Variants in PEDS1 observed in about 807,000 individuals in gnomAD.
The protein encoded by PEDS1 is CarF homolog.
A neutral mutation model predicts 35.2 loss-of-function variants in PEDS1; 14 were observed. That is an observed-to-expected ratio of 0.40 (90% confidence interval 0.26 to 0.62). The LOEUF (loss-of-function observed/expected upper bound fraction) is 0.62. Among genes scored for constraint, PEDS1 ranks in the 20% least tolerant of loss-of-function variants. PEDS1 has a pLI of 0.44. For synonymous variants in PEDS1, 152 were observed against 152.0 expected (o/e 1.00, Z 0.00); for missense variants, 260 against 367.8 (o/e 0.71, Z 2.40).
At chr20:50,126,962 C>A (rs1030335605) in intron 5 of PEDS1, among the ~76,000 whole-genome samples, 3 of 152,082 alleles carry the variant, frequency 2.0e-5, no homozygotes, top group Non-Finnish European at 4.4e-5. Flanking sequence ...TCTCCTCCCT[C>A]TTCCACTGCT....
At chr20:50,142,142 T>C (rs2081297338) in intron 2 of PEDS1, among the ~76,000 whole-genome samples, 1 of 152,196 alleles carries the variant, frequency 6.6e-6, no homozygotes, top group South Asian at 2.1e-4. Flanking sequence ...CTCAGTTCCC[T>C]CATCTGGAAA....
chr20:50,135,027 A>G (rs1348651285), intron 2 of PEDS1, among the ~76,000 whole-genome samples: 1 of 151,898 alleles, frequency 6.6e-6, no homozygotes, highest in Non-Finnish European at 1.5e-5. Context: ...TACTAAAAAC[A>G]CAAAAAAATC....
chr20:50,124,471 G>C lies in PEDS1; in HGVS notation c.*587C>G, dbSNP rs1175457891. 1.3e-5 allele frequency: 2 copies of C among 153,058 alleles called. No individual in the cohort carries two copies. Among genetic ancestry groups the C allele is most frequent in the East Asian group, 3.8e-4 (2 of 5,208 alleles). The allele number at this position is 153,058 out of a possible 1,614,324, so 9.5% of individuals were successfully genotyped here. On this transcript the variant is annotated 3_prime_UTR_variant, in exon 6 of 6. Transcript: ENST00000371652. ...GCAGGGTGGGGGCAGCAGAGAAGTA[G>C]GGGTCTAGACTTGAGCAGGAGGTTC...
At chr20:50,151,537 C>T (rs1034693993) in intron 1 of PEDS1, among the ~76,000 whole-genome samples, 1 of 152,138 alleles carries the variant, frequency 6.6e-6, no homozygotes, top group African/African-American at 2.4e-5. Flanking sequence ...TGAGGCGGAT[C>T]CCCCACAGCA....
intron 1 of PEDS1, among the ~76,000 whole-genome samples, chr20:50,150,301 A>G (rs1236644818): frequency 1.3e-5 from 2 of 152,082 alleles, no homozygotes; most frequent in African/African-American, 4.8e-5. Context: ...AGCCCCAGTA[A>G]TCTCAAACAT....
intron 1 of PEDS1, among the ~76,000 whole-genome samples, chr20:50,148,504 T>C (rs545898508): frequency 6.6e-6 from 1 of 152,314 alleles, no homozygotes; most frequent in African/African-American, 2.4e-5. Flanking sequence ...TAGCCACTTA[T>C]TGGCCTGAGG....
chr20:50,129,521 G>A lies in PEDS1; in HGVS notation c.478+25C>T. 1 of 1,613,634 alleles carries A rather than the reference G, an allele frequency of 6.2e-7. No individual in the cohort carries two copies. The highest frequency in any genetic ancestry group is 8.5e-7 in the Non-Finnish European group (1 of 1,179,732). ...CCTCTGCCCCCAAGGCCCCCTCCCA[G>A]CCCACCACTAGCTGGGTGTCTCACC... On this transcript the variant is annotated intron_variant, in intron 4 of 5. Coordinates refer to ENST00000371652, the MANE Select transcript of PEDS1 (RefSeq NM_199129.4). This position sits in a 1 kb window ranked among gnomAD's most constrained non-coding sequence, Gnocchi z 4.2.
chr20:50,130,772 C>A, intron 3 of PEDS1, 84 bp downstream of exon 3: 1 of 1,528,322 alleles, frequency 6.5e-7, no homozygotes, highest in Non-Finnish European at 9.0e-7. Context: ...GATAGGGAAA[C>A]AGTCTTAGAG....
chr20:50,142,267 T>C (rs965764383), intron 2 of PEDS1, among the ~76,000 whole-genome samples: 9 of 152,340 alleles, frequency 5.9e-5, no homozygotes, highest in African/African-American at 2.2e-4. Context: ...GCACCGGCTG[T>C]GTGCCAGGCC....
At chr20:50,133,287 G>A (rs535404817) in intron 2 of PEDS1, among the ~76,000 whole-genome samples, 19 of 152,110 alleles carry the variant, frequency 1.2e-4, no homozygotes, top group Non-Finnish European at 1.9e-4. Context: ...TGCCAAGCAC[G>A]GGAGGGGTGG....
intron 1 of PEDS1, among the ~76,000 whole-genome samples, chr20:50,144,080 A>G (rs2081322766): frequency 1.3e-5 from 2 of 152,038 alleles, no homozygotes; most frequent in Admixed American, 1.3e-4. Context: ...GTCTGTACCC[A>G]TTTCACAGAT....
chr20:50,128,263 C>A lies in PEDS1; in HGVS notation c.479-76G>T. ...AACCCACCCCAAATGGCCCTCACCACCTGCTCCTGGGCGGCTCCTGAGCTG... is the reference window on the plus strand; with the variant it reads ...AACCCACCCCAAATGGCCCTCACCAACTGCTCCTGGGCGGCTCCTGAGCTG... On this transcript the variant is annotated intron_variant, in intron 4 of 5. Transcript: ENST00000371652. This position sits in a 1 kb window ranked among gnomAD's most constrained non-coding sequence, Gnocchi z 5.2. The A allele has an allele frequency of 6.4e-7, 1 of 1,562,262 alleles. No homozygotes were observed. Among genetic ancestry groups the A allele is most frequent in the Admixed American group, 1.8e-5 (1 of 56,456 alleles).
chr20:50,149,340 G>T (rs2081378245), intron 1 of PEDS1, among the ~76,000 whole-genome samples: 1 of 152,060 alleles, frequency 6.6e-6, no homozygotes, highest in South Asian at 2.1e-4. Flanking sequence ...GCCTGGGTGG[G>T]GTACAGGTGG....
chr20:50,149,603 T>C (rs2081381463), intron 1 of PEDS1, among the ~76,000 whole-genome samples: 1 of 152,082 alleles, frequency 6.6e-6, no homozygotes, highest in Non-Finnish European at 1.5e-5. Flanking sequence ...GGCCAGACAC[T>C]TGGGGCCTGC....
intron 2 of PEDS1, among the ~76,000 whole-genome samples, chr20:50,133,177 C>T (rs1015530727): frequency 2.6e-5 from 4 of 152,140 alleles, no homozygotes; most frequent in East Asian, 3.9e-4. Context: ...AAAGTAAGCA[C>T]GCAAGTCACT....
In PEDS1 at chr20:50,135,048, G is replaced by T. The variant is rs145249468; in HGVS notation, c.242-4101C>A. ...AAACACAAAAAAATCAGCTGGGTGT[G>T]GTGGTGCGGACCTGTAGTCCCAGCT... is the stretch of plus-strand genomic sequence containing the variant. On this transcript the variant is annotated intron_variant, in intron 2 of 5. Transcript: ENST00000371652. Among the ~76,000 whole-genome samples, 677 of 152,214 alleles carry T rather than the reference G, an allele frequency of 4.4e-3. 13 individuals carry two copies. The highest frequency in any genetic ancestry group is 0.041 in the East Asian group (210 of 5,158).
intron 2 of PEDS1, among the ~76,000 whole-genome samples, chr20:50,142,695 C>A (rs868403355): frequency 1.9e-5 from 2 of 107,194 alleles, no homozygotes; most frequent in East Asian, 2.8e-4. Flanking sequence ...CCCCCCCCCC[C>A]GCCCCAACGG....
intron 2 of PEDS1, among the ~76,000 whole-genome samples, chr20:50,137,168 GC>G (rs1483464304): frequency 1.3e-5 from 2 of 152,158 alleles, no homozygotes; most frequent in Non-Finnish European, 2.9e-5. Flanking sequence ...CCATGCTCAA[GC>G]GACCCTCCCA....
In PEDS1 at chr20:50,124,123, A is replaced by AC. The variant is rs1254612721; in HGVS notation, c.*934dup. On this transcript the variant is annotated 3_prime_UTR_variant, in exon 6 of 6. Coordinates refer to ENST00000371652, the MANE Select transcript of PEDS1 (RefSeq NM_199129.4). ...GGCCTCACGTCCCAGGCTCCTTGATACCCCCCACCCCACCCAGCCAGGAAA... is the reference window on the plus strand; with the variant it reads ...GGCCTCACGTCCCAGGCTCCTTGATACCCCCCCACCCCACCCAGCCAGGAAA... 2.2e-4 allele frequency: 34 copies of AC among 152,170 alleles called. No individual in the cohort carries two copies. The highest frequency in any genetic ancestry group is 8.2e-4 in the African/African-American group (34 of 41,314). The allele number at this position is 152,170 out of a possible 1,614,324, so 9.4% of individuals were successfully genotyped here. A position where few individuals can be genotyped will look rare whatever the true frequency, so the allele number is the denominator to read the frequency against.
Sources: gnomAD v4.1 joint callset for allele counts (sites outside exome capture counted in the v4.1 genomes callset) on GRCh38, gnomAD v4.1.1 for gene constraint, Gnocchi (gnomAD v3.1) non-coding constraint, MANE v1.5 for transcripts, NCBI Gene and HGNC (gene_info 2026-07-23, HGNC 2026-07-21) for gene names.